The following TAF13 variants were observed in gnomAD, a reference collection of about 807,000 sequenced individuals.
The protein encoded by TAF13 is TATA-box binding protein associated factor 13.
A neutral mutation model predicts 18.7 loss-of-function variants in TAF13; 9 were observed. The observed-to-expected ratio is 0.48, with a 90% confidence interval of 0.29 to 0.84. The LOEUF is 0.84. Ranked by LOEUF, TAF13 falls within the 40% of genes least tolerant of loss-of-function variation. TAF13 has a pLI of 0.08. For synonymous variants in TAF13, 49 were observed against 44.1 expected (o/e 1.11, Z -0.44); for missense variants, 105 against 146.5 (o/e 0.72, Z 1.46).
Position 109,064,156 on chromosome 1 carries a change from C to CAAAAAAAAAAAAAAAAA in TAF13, c.*350_*366dup, listed in dbSNP as rs35296800. ...CTGCCAACATAGTGAGACTCCATCTCAAAAAAAAAAAAAAAAAAAAAAAAA... is the reference window on the plus strand; with the variant it reads ...CTGCCAACATAGTGAGACTCCATCTCAAAAAAAAAAAAAAAAAAAAAAAAAAAAAAAAAAAAAAAAAA... On this transcript the variant is annotated 3_prime_UTR_variant, in exon 4 of 4. Coordinates refer to ENST00000338366, the MANE Select transcript of TAF13 (RefSeq NM_005645.4). 1 of 47,096 alleles carries CAAAAAAAAAAAAAAAAA rather than the reference C, an allele frequency of 2.1e-5. No individual in the cohort carries two copies. Among genetic ancestry groups the CAAAAAAAAAAAAAAAAA allele is most frequent in the African/African-American group, 9.9e-5 (1 of 10,060 alleles). 2.9% of individuals were successfully genotyped at this position (47,096 alleles called of 1,614,324 possible).
At chr1:109,070,926 A>G (rs1167319742) in intron 2 of TAF13, among the ~76,000 whole-genome samples, 1 of 152,230 alleles carries the variant, frequency 6.6e-6, no homozygotes, top group Non-Finnish European at 1.5e-5. Context: ...ACATAATGGT[A>G]TAAGGAGCAT....
intron 2 of TAF13, among the ~76,000 whole-genome samples, chr1:109,070,020 T>A (rs924623500): frequency 1.3e-5 from 2 of 152,200 alleles, no homozygotes; most frequent in Admixed American, 6.5e-5. Flanking sequence ...GTTAACATGT[T>A]ATACAACCAT....
At chr1:109,074,873 A>G (rs1664154817) in intron 2 of TAF13, 114 bp downstream of exon 2, 2 of 751,618 alleles carry the variant, frequency 2.7e-6, no homozygotes, top group African/African-American at 3.5e-5. Context: ...TTGATAGGCT[A>G]GTCTGAGAAT....
chr1:109,071,549 G>A (rs1664052691), intron 2 of TAF13, among the ~76,000 whole-genome samples: 1 of 151,978 alleles, frequency 6.6e-6, no homozygotes, highest in Admixed American at 6.6e-5. Context: ...GTTAAAGGTT[G>A]CAGTGAGCTA....
At chr1:109,074,413 C>G (rs1035159806) in intron 2 of TAF13, among the ~76,000 whole-genome samples, 4 of 152,044 alleles carry the variant, frequency 2.6e-5, no homozygotes, top group Non-Finnish European at 5.9e-5. Flanking sequence ...TCCCTAATCT[C>G]AAGTACCCAG....
At chr1:109,074,853 TA>T in intron 2 of TAF13, 133 bp downstream of exon 2, 1 of 691,006 alleles carries the variant, frequency 1.4e-6, no homozygotes, top group Non-Finnish European at 2.4e-6. Flanking sequence ...ATTCAAAAGT[TA>T]AACAGAATTT....
intron 1 of TAF13, among the ~76,000 whole-genome samples, 190 bp from the exon 2 acceptor site, chr1:109,075,255 T>C (rs1449228308): frequency 6.6e-6 from 1 of 151,718 alleles, no homozygotes; most frequent in Non-Finnish European, 1.5e-5. Flanking sequence ...CATGCAAAAA[T>C]GGCTTCTACA....
chr1:109,074,886 T>C, intron 2 of TAF13, 101 bp downstream of exon 2: 2 of 856,530 alleles, frequency 2.3e-6, no homozygotes, highest in Non-Finnish European at 3.7e-6. Flanking sequence ...CTGAGAATAT[T>C]ATCCCTACAG....
At chr1:109,071,416 G>C (rs1664048952) in intron 2 of TAF13, among the ~76,000 whole-genome samples, 1 of 150,912 alleles carries the variant, frequency 6.6e-6, no homozygotes, top group Admixed American at 6.6e-5. Context: ...ACTCCAGCCT[G>C]GGTGACAGAG....
In TAF13 at chr1:109,073,975, G is replaced by A. The variant is rs373906478; in HGVS notation, c.106+1012C>T. Among the ~76,000 whole-genome samples the A allele has an allele frequency of 1.3e-4, 20 of 152,000 alleles. No homozygotes were observed. The East Asian group carries it at 2.7e-3, about 21-fold the overall frequency. On this transcript the variant is annotated intron_variant, in intron 2 of 3. Transcript: ENST00000338366. ...TGGGAGGTGAGGAGCGCCTCTGCCC[G>A]GCCACGACCCCGTCTGGGAACTGAG...
intron 2 of TAF13, among the ~76,000 whole-genome samples, chr1:109,072,533 C>G (rs1307761767): frequency 6.6e-6 from 1 of 152,112 alleles, no homozygotes; most frequent in African/African-American, 2.4e-5. Context: ...CAACCTCCAC[C>G]TCCTGGGCTC....
chr1:109,065,854 G>A (rs1346850416), intron 3 of TAF13, among the ~76,000 whole-genome samples: 2 of 151,104 alleles, frequency 1.3e-5, no homozygotes, highest in African/African-American at 4.9e-5. Flanking sequence ...CCGGGAGACG[G>A]AGGTTGCAGT....
intron 2 of TAF13, among the ~76,000 whole-genome samples, chr1:109,067,012 C>G (rs980654425): frequency 1.3e-5 from 2 of 152,094 alleles, no homozygotes; most frequent in African/African-American, 4.8e-5. Flanking sequence ...AGCCACCGCG[C>G]CCAGCCCCAA....
In TAF13 at chr1:109,074,976, A is replaced by G. The variant is rs1664155885; in HGVS notation, c.106+11T>C. On this transcript the variant is annotated intron_variant, in intron 2 of 3. Coordinates refer to ENST00000338366, the MANE Select transcript of TAF13 (RefSeq NM_005645.4). ...TCATCTATAACAAAATCATTGTCAAATACTACTTACATTCTTTAGAAAAAA... is the reference window on the plus strand; with the variant it reads ...TCATCTATAACAAAATCATTGTCAAGTACTACTTACATTCTTTAGAAAAAA... 2 of 1,585,418 alleles carry G rather than the reference A, an allele frequency of 1.3e-6. No homozygotes were observed. The highest frequency in any genetic ancestry group is 2.3e-5 in the South Asian group (2 of 85,640).
At chr1:109,064,879 TCTCCTTTATG>T (rs1663925900) in intron 3 of TAF13, among the ~76,000 whole-genome samples, 186 bp from the exon 4 acceptor site, 1 of 152,140 alleles carries the variant, frequency 6.6e-6, no homozygotes, top group Non-Finnish European at 1.5e-5. Context: ...TTAGCAATGT[TCTCCTTTATG>T]CTTCACAGGC....
chr1:109,075,870 A>C lies in TAF13; in HGVS notation c.27+51T>G, dbSNP rs145574092. The C allele has an allele frequency of 3.7e-3, 6,000 of 1,613,190 alleles. 178 individuals are homozygous for C. In the African/African-American group the frequency reaches 0.067, roughly 18 times the overall value. On this transcript the variant is annotated intron_variant, in intron 1 of 3. Coordinates refer to ENST00000338366, the MANE Select transcript of TAF13 (RefSeq NM_005645.4). Reference sequence around the variant, plus strand: ...ATCCTGAACTCTGCCTCCGCTACTGAGCCCGAAGGAGTGAAGAAAAGACAG... The same window carrying C: ...ATCCTGAACTCTGCCTCCGCTACTGCGCCCGAAGGAGTGAAGAAAAGACAG...
intron 2 of TAF13, among the ~76,000 whole-genome samples, chr1:109,069,904 C>A (rs991396956): frequency 6.6e-5 from 10 of 152,014 alleles, no homozygotes; most frequent in Non-Finnish European, 7.4e-5. Flanking sequence ...GTTTTGGATT[C>A]TGTACTTTTT....
At chr1:109,068,132 C>T (rs977012889) in intron 2 of TAF13, among the ~76,000 whole-genome samples, 11 of 152,110 alleles carry the variant, frequency 7.2e-5, no homozygotes, top group Admixed American at 4.6e-4. Flanking sequence ...CTATGCCTGG[C>T]TAATATGTGG....
At chr1:109,070,174 G>T (rs1007777902) in intron 2 of TAF13, among the ~76,000 whole-genome samples, 4 of 152,208 alleles carry the variant, frequency 2.6e-5, no homozygotes, top group Middle Eastern at 3.4e-3. Flanking sequence ...CCTCGAATCC[G>T]ATAGTTCCTT....
Sources: allele counts gnomAD v4.1 joint callset (sites outside exome capture counted in the v4.1 genomes callset), GRCh38; gene constraint gnomAD v4.1.1; transcripts MANE v1.5; gene names NCBI Gene and HGNC (gene_info 2026-07-23, HGNC 2026-07-21).